Variants in TAF2 observed in about 807,000 individuals in gnomAD.
The protein encoded by TAF2 is TATA-box binding protein associated factor 2, also known as transcription initiation factor TFIID subunit 2.
Under a neutral mutation model 138.5 loss-of-function variants are expected in TAF2, and 61 were observed. The ratio of observed to expected loss-of-function variants is 0.44; its 90% CI spans 0.36 to 0.54. The LOEUF is 0.54. TAF2 is among the 20% of genes least tolerant of loss of function. The probability of loss-of-function intolerance (pLI) is 0.00; values close to 1 mark genes in which losing one functional copy is unlikely to be tolerated. For synonymous variants in TAF2, 475 were observed against 469.9 expected (o/e 1.01, Z -0.14); for missense variants, 1,090 against 1,427.9 (o/e 0.76, Z 3.81).
chr8:119,746,948 A>G lies in TAF2; in HGVS notation c.2879-14T>C. The G allele has an allele frequency of 6.2e-7, 1 of 1,612,608 alleles. No individual in the cohort carries two copies. The highest frequency in any genetic ancestry group is 8.5e-7 in the Non-Finnish European group (1 of 1,178,814). ...CATGTGAAGTACCTAAAAAGTAAGT[A>G]ATAAAGAAATGAGTCAATATGCACA... On this transcript the variant is annotated splice_polypyrimidine_tract_variant and intron_variant, in intron 22 of 25. Coordinates refer to ENST00000378164, the MANE Select transcript of TAF2 (RefSeq NM_003184.4).
intron 18 of TAF2, among the ~76,000 whole-genome samples, chr8:119,769,150 C>T (rs1274970527): frequency 1.3e-5 from 2 of 152,206 alleles, no homozygotes; most frequent in South Asian, 2.1e-4. Context: ...GCTTTTACCA[C>T]AGCTGGCTCT....
chr8:119,752,476 G>A (rs1820418716), intron 22 of TAF2, among the ~76,000 whole-genome samples: 1 of 152,086 alleles, frequency 6.6e-6, no homozygotes, highest in Admixed American at 6.5e-5. Flanking sequence ...GGTCACTAAA[G>A]TGATTCAGCT....
At position 119,742,671 on chromosome 8, in the gene TAF2, A is replaced by G. The variant is rs916738345; in HGVS notation, c.3215-15T>C. On this transcript the variant is annotated splice_polypyrimidine_tract_variant and intron_variant, in intron 24 of 25. Coordinates refer to ENST00000378164, the MANE Select transcript of TAF2 (RefSeq NM_003184.4). The stretch of plus-strand genomic sequence containing the variant: ...TTTCGAGAGCCCTAAAATGCCAAAC[A>G]AGAGAAAAAAGAGGGATTTATTTCT... 1 of 1,613,368 alleles carries G rather than the reference A, an allele frequency of 6.2e-7. No homozygotes were observed. Among genetic ancestry groups the G allele is most frequent in the Non-Finnish European group, 8.5e-7 (1 of 1,179,626 alleles).
intron 22 of TAF2, among the ~76,000 whole-genome samples, chr8:119,748,142 G>C (rs1398967883): frequency 6.6e-6 from 1 of 151,442 alleles, no homozygotes; most frequent in Admixed American, 6.6e-5. Flanking sequence ...AAGAAAGGAA[G>C]GAAGGGAGGG....
intron 18 of TAF2, among the ~76,000 whole-genome samples, chr8:119,774,145 T>G (rs544687815): frequency 6.6e-6 from 1 of 151,574 alleles, no homozygotes; most frequent in East Asian, 1.9e-4. Context: ...CACCCTAGCC[T>G]GGGGGACAGA....
chr8:119,778,074 T>C lies in TAF2; in HGVS notation c.2309A>G (p.Glu770Gly), dbSNP rs1314876996. The change falls in exon 18 of 26, where the codon GAA becomes GGA. Residue 770 changes from glutamate to glycine, a missense_variant. By Grantham distance (98) the Glu-to-Gly change is moderately conservative. Coordinates refer to ENST00000378164, the MANE Select transcript of TAF2 (RefSeq NM_003184.4). The part of the protein sequence containing the change: ...LRDVHNLCPK[E>G]VLTFILDLIK... ...TAAGTCTAAAATAAATGTTAAGACTTCTTTAGGACAAAGATTATGAACATC... is the reference window on the plus strand; with the variant it reads ...TAAGTCTAAAATAAATGTTAAGACTCCTTTAGGACAAAGATTATGAACATC... 6.3e-7 allele frequency: 1 copy of C among 1,598,742 alleles called. No individual in the cohort carries two copies. Among genetic ancestry groups the C allele is most frequent in the East Asian group, 2.2e-5 (1 of 44,734 alleles).
chr8:119,806,491 A>G, intron 3 of TAF2, 90 bp from the exon 4 acceptor site: 1 of 939,282 alleles, frequency 1.1e-6, no homozygotes. Flanking sequence ...TTTTTTTTAG[A>G]TGAAGTCTCA....
intron 22 of TAF2, among the ~76,000 whole-genome samples, chr8:119,748,801 G>C (rs2131016611): frequency 6.6e-6 from 1 of 152,206 alleles, no homozygotes; most frequent in Middle Eastern, 3.4e-3. Flanking sequence ...CTGAGGGAAG[G>C]GAAGAAATGC....
At chr8:119,752,517 C>T (rs2131028680) in intron 22 of TAF2, among the ~76,000 whole-genome samples, 1 of 152,260 alleles carries the variant, frequency 6.6e-6, no homozygotes, top group East Asian at 1.9e-4. Context: ...GTACCTGTCT[C>T]TCAGCTCCAA....
chr8:119,744,206 T>A lies in TAF2; in HGVS notation c.3214+82A>T, dbSNP rs1418033574. On this transcript the variant is annotated intron_variant, in intron 24 of 25. Coordinates refer to ENST00000378164, the MANE Select transcript of TAF2 (RefSeq NM_003184.4). Reference sequence around the variant, plus strand: ...ATTTTAAACTGTATAGTTGTTCATTTGAAAATAAAGTAACACACATTAGAA... The same window carrying A: ...ATTTTAAACTGTATAGTTGTTCATTAGAAAATAAAGTAACACACATTAGAA... 2.4e-6 allele frequency: 3 copies of A among 1,264,038 alleles called. No homozygotes were observed. The East Asian group carries it at 6.9e-5, about 29-fold the overall frequency. The allele number at this position is 1,264,038 out of a possible 1,614,324, so 78.3% of individuals were successfully genotyped here.
intron 18 of TAF2, among the ~76,000 whole-genome samples, chr8:119,776,594 T>C (rs113639660): frequency 3.4e-4 from 47 of 138,812 alleles, no homozygotes; most frequent in Admixed American, 1.9e-3. Flanking sequence ...GAGGCTGAGG[T>C]AGGAGAATGG....
At chr8:119,779,085 C>A (rs1366244895) in intron 17 of TAF2, among the ~76,000 whole-genome samples, 1 of 152,136 alleles carries the variant, frequency 6.6e-6, no homozygotes, top group African/African-American at 2.4e-5. Context: ...TGTCTTATGC[C>A]TTTTCTGCCC....
chr8:119,798,516 T>C (rs534727102), intron 6 of TAF2, among the ~76,000 whole-genome samples: 7 of 152,348 alleles, frequency 4.6e-5, no homozygotes, highest in African/African-American at 1.7e-4. Flanking sequence ...TAAGGTTTCA[T>C]GCAGGAGTGT....
rs546019409 is a variant in TAF2 at position 119,731,703 on chromosome 8, C to A, written c.*221G>T. 3.5e-6 allele frequency: 2 copies of A among 566,594 alleles called. No individual in the cohort carries two copies. The highest frequency in any genetic ancestry group is 6.1e-5 in the Admixed American group (2 of 33,024). The allele number at this position is 566,594 out of a possible 1,614,324, so 35.1% of individuals were successfully genotyped here. A position where few individuals can be genotyped will look rare whatever the true frequency, so the allele number is the denominator to read the frequency against. ...TGTGTGTGTTTTGGGGAGGAAACAG[C>A]GGATGAAATAGTTTATCCAGAACTA... is the stretch of plus-strand genomic sequence containing the variant. On this transcript the variant is annotated 3_prime_UTR_variant, in exon 26 of 26. Transcript: ENST00000378164.
At position 119,731,815 on chromosome 8, in the gene TAF2, G is replaced by T. The variant is rs1818894439; in HGVS notation, c.*109C>A. Reference sequence around the variant, plus strand: ...CTTAAATGAATTCAGAATTTCTGTAGGAGAGGCGAATCCTTTCCCCCCTCC... The same window carrying T: ...CTTAAATGAATTCAGAATTTCTGTATGAGAGGCGAATCCTTTCCCCCCTCC... On this transcript the variant is annotated 3_prime_UTR_variant, in exon 26 of 26. Transcript: ENST00000378164. The T allele has an allele frequency of 2.8e-6, 3 of 1,061,138 alleles. No individual in the cohort carries two copies. The East Asian group carries it at 7.1e-5, about 25-fold the overall frequency. 65.7% of individuals were successfully genotyped at this position (1,061,138 alleles called of 1,614,324 possible).
chr8:119,734,503 C>A (rs1819089471), intron 25 of TAF2, among the ~76,000 whole-genome samples: 1 of 152,136 alleles, frequency 6.6e-6, no homozygotes, highest in African/African-American at 2.4e-5. Context: ...CCTGAAGTTA[C>A]CTTTCCAGCC....
At chr8:119,743,295 A>T (rs1489284710) in intron 24 of TAF2, among the ~76,000 whole-genome samples, 3 of 152,164 alleles carry the variant, frequency 2.0e-5, no homozygotes, top group Non-Finnish European at 2.9e-5. Context: ...AAAAATTCAA[A>T]AAAGAAGTGC....
intron 18 of TAF2, among the ~76,000 whole-genome samples, chr8:119,767,427 A>AGAAGCTCCC (rs1226206449): frequency 6.6e-6 from 1 of 152,230 alleles, no homozygotes; most frequent in Non-Finnish European, 1.5e-5. Context: ...ATGTGGGGAA[A>AGAAGCTCCC]GGATAAGTGA....
At chr8:119,735,704 A>T (rs930048019) in intron 25 of TAF2, among the ~76,000 whole-genome samples, 1 of 152,198 alleles carries the variant, frequency 6.6e-6, no homozygotes, top group Admixed American at 6.5e-5. Context: ...TGGTACCCAG[A>T]TATTCTTTAA....
Sources: allele counts gnomAD v4.1 joint callset (sites outside exome capture counted in the v4.1 genomes callset), GRCh38; gene constraint gnomAD v4.1.1; transcripts MANE v1.5; gene names NCBI Gene and HGNC (gene_info 2026-07-23, HGNC 2026-07-21).